RAB3C: variants seen among roughly 807,000 people sequenced by gnomAD.
The protein encoded by RAB3C is ras-related protein Rab-3C.
RAB3C carries 17 observed loss-of-function variants against 26.4 expected under a neutral mutation model. The observed-to-expected ratio is 0.64, with a 90% CI of 0.44 to 0.97. The LOEUF (loss-of-function observed/expected upper bound fraction) is 0.97, where lower values mean the gene tolerates loss of function less well. RAB3C is among the 50% of genes least tolerant of loss of function. RAB3C has a pLI of 0.00. For synonymous variants in RAB3C, 91 were observed against 95.9 expected (o/e 0.95, Z 0.30); for missense variants, 242 against 281.9 (o/e 0.86, Z 1.01).
intron 1 of RAB3C, among the ~76,000 whole-genome samples, chr5:58,615,899 A>G (rs1037519747): frequency 6.6e-6 from 1 of 151,910 alleles, no homozygotes; most frequent in Non-Finnish European, 1.5e-5. Flanking sequence ...GGCATTAAGT[A>G]TTTGTAGAAG....
At chr5:58,628,730 A>G (rs1747120552) in intron 2 of RAB3C, among the ~76,000 whole-genome samples, 1 of 152,188 alleles carries the variant, frequency 6.6e-6, no homozygotes, top group East Asian at 1.9e-4. Context: ...TGGAAAGCAA[A>G]GAAACATATC....
At chr5:58,588,871 T>A (rs1404422058) in intron 1 of RAB3C, among the ~76,000 whole-genome samples, 1 of 152,124 alleles carries the variant, frequency 6.6e-6, no homozygotes, top group Non-Finnish European at 1.5e-5. Flanking sequence ...GATAGTTTAT[T>A]TCTTCCTTCC....
intron 2 of RAB3C, among the ~76,000 whole-genome samples, chr5:58,705,692 A>G (rs1057345088): frequency 6.6e-6 from 1 of 152,122 alleles, no homozygotes; most frequent in Non-Finnish European, 1.5e-5. Flanking sequence ...CTTGGTTACA[A>G]TGACTTGTTC....
intron 2 of RAB3C, among the ~76,000 whole-genome samples, chr5:58,651,337 A>G (rs527701142): frequency 9.9e-5 from 15 of 152,238 alleles, no homozygotes; most frequent in African/African-American, 3.6e-4. Context: ...AAATGAGTCA[A>G]TATTTGAAAC....
chr5:58,754,531 G>C (rs568960670), intron 3 of RAB3C, among the ~76,000 whole-genome samples: 118 of 152,218 alleles, frequency 7.8e-4, no homozygotes, highest in Non-Finnish European at 1.3e-3. Flanking sequence ...CAGGAAGAGA[G>C]GTAACTTTTG....
At chr5:58,763,132 G>T (rs1741831653) in intron 3 of RAB3C, among the ~76,000 whole-genome samples, 1 of 152,176 alleles carries the variant, frequency 6.6e-6, no homozygotes, top group Non-Finnish European at 1.5e-5. Flanking sequence ...AACTTACAAT[G>T]AATTACAAAA....
intron 2 of RAB3C, among the ~76,000 whole-genome samples, chr5:58,670,420 T>C (rs1042540938): frequency 1.3e-5 from 2 of 152,168 alleles, no homozygotes; most frequent in African/African-American, 4.8e-5. Flanking sequence ...GACACATTTC[T>C]CTTCAACTAT....
intron 3 of RAB3C, among the ~76,000 whole-genome samples, chr5:58,771,168 T>A (rs1033564228): frequency 6.6e-6 from 1 of 152,102 alleles, no homozygotes; most frequent in Admixed American, 6.6e-5. Context: ...AGGAAAACCA[T>A]GAGTAAGCTA....
chr5:58,742,053 C>A (rs1241138617), intron 3 of RAB3C: 1 of 152,000 alleles, frequency 6.6e-6, no homozygotes, highest in African/African-American at 2.4e-5. Flanking sequence ...ATATTGTTTT[C>A]CAGCACCCTT....
chr5:58,740,104 T>C (rs1741245188), intron 3 of RAB3C, among the ~76,000 whole-genome samples: 1 of 152,214 alleles, frequency 6.6e-6, no homozygotes, highest in South Asian at 2.1e-4. Context: ...TATCTGGTTG[T>C]TGGGCCAGCC....
intron 2 of RAB3C, among the ~76,000 whole-genome samples, chr5:58,648,178 C>T (rs946779668): frequency 2.0e-5 from 3 of 152,032 alleles, no homozygotes; most frequent in Non-Finnish European, 4.4e-5. Context: ...GAGAATTCTA[C>T]ATCCTAAAGT....
In RAB3C at chr5:58,726,089, A is replaced by G; in HGVS notation, c.340A>G (p.Asn114Asp). 6.9e-6 allele frequency: 11 copies of G among 1,599,624 alleles called. No individual in the cohort carries two copies. Among genetic ancestry groups the G allele is most frequent in the Non-Finnish European group, 9.4e-6 (11 of 1,168,938 alleles). Residue 114 changes from asparagine (N) to aspartate (D), a missense_variant, in exon 3 of 5, where the codon AAT becomes GAT. Asn to Asp is a conservative substitution (Grantham distance 23). Transcript: ENST00000282878. The part of the protein sequence containing the change: ...MGFILMYDIT[N>D]EESFNAVQDW... ...CTTTATTTTAATGTATGACATTACA[A>G]ATGAAGAATCCTTCAATGCAGTACA...
At chr5:58,630,630 A>T (rs927914978) in intron 2 of RAB3C, among the ~76,000 whole-genome samples, 5 of 152,188 alleles carry the variant, frequency 3.3e-5, no homozygotes, top group Admixed American at 6.5e-5. Context: ...CACATCATGT[A>T]ACCTCTGGAA....
intron 2 of RAB3C, among the ~76,000 whole-genome samples, chr5:58,693,322 TTATATATATA>T (rs1554048040): frequency 6.0e-4 from 45 of 75,204 alleles, no homozygotes; most frequent in Non-Finnish European, 1.1e-3. Flanking sequence ...AATTAAGAAA[TTATATATATA>T]TGTGTATATA....
chr5:58,626,720 A>G (rs1228585965), intron 2 of RAB3C, among the ~76,000 whole-genome samples: 1 of 152,226 alleles, frequency 6.6e-6, no homozygotes, highest in African/African-American at 2.4e-5. Context: ...CCTGGCATAT[A>G]GTAAGTACTC....
chr5:58,729,972 T>A (rs1482853715), intron 3 of RAB3C, among the ~76,000 whole-genome samples: 3 of 149,342 alleles, frequency 2.0e-5, no homozygotes, highest in Non-Finnish European at 3.0e-5. Context: ...GAATAGATGA[T>A]CTAAAGTACT....
At chr5:58,707,158 C>T (rs897448170) in intron 2 of RAB3C, among the ~76,000 whole-genome samples, 11 of 152,136 alleles carry the variant, frequency 7.2e-5, no homozygotes, top group African/African-American at 2.4e-4. Context: ...AGAATGACAA[C>T]CTGTATCTTC....
At chr5:58,702,799 C>G (rs904877504) in intron 2 of RAB3C, among the ~76,000 whole-genome samples, 1 of 152,128 alleles carries the variant, frequency 6.6e-6, no homozygotes, top group Non-Finnish European at 1.5e-5. Flanking sequence ...TACCTCTAAA[C>G]AAACCCTCCA....
chr5:58,797,369 ATATATATATAT>A (rs1561133551), intron 3 of RAB3C, among the ~76,000 whole-genome samples: 12 of 18,308 alleles, frequency 6.6e-4, no homozygotes, highest in African/African-American at 2.1e-3. Flanking sequence ...TATATATATA[ATATATATATAT>A]ATATATATAT....
Sources: allele counts gnomAD v4.1 joint callset (sites outside exome capture counted in the v4.1 genomes callset), GRCh38; gene constraint gnomAD v4.1.1; transcripts MANE v1.5; gene names NCBI Gene and HGNC (gene_info 2026-07-23, HGNC 2026-07-21).